WFDC8: variants seen among roughly 807,000 people sequenced by gnomAD.
WFDC8 encodes the protein WAP four-disulfide core domain protein 8.
A neutral mutation model predicts 27.0 loss-of-function variants in WFDC8; 24 were observed. The ratio of observed to expected loss-of-function variants is 0.89; its 90% confidence interval spans 0.64 to 1.25. WFDC8 has a LOEUF of 1.25. Ranked by LOEUF, WFDC8 falls within the 50% of genes most tolerant of loss-of-function variation. The pLI is 0.00. For synonymous variants in WFDC8, 106 were observed against 99.7 expected, an observed-to-expected ratio of 1.06 and a Z score of -0.38; for missense variants, 287 against 295.9, an observed-to-expected ratio of 0.97 and a Z score of 0.22.
At position 45,555,942 on chromosome 20, in the gene WFDC8, C is replaced by T. The variant is rs1277835584; in HGVS notation, c.278-74G>A. On this transcript the variant is annotated intron_variant, in intron 3 of 5. Transcript: ENST00000289953. ...GAACAGGGTCAGTTCCCTAGCATTT[C>T]TCATAACTCCTGGTGTTATCACCCA... 152 of 1,458,906 alleles carry T rather than the reference C, an allele frequency of 1.0e-4. 1 individual carries two copies. Among genetic ancestry groups the T allele is most frequent in the Non-Finnish European group, 1.4e-4 (145 of 1,059,074 alleles). The allele number at this position is 1,458,906 out of a possible 1,614,324, so 90.4% of individuals were successfully genotyped here.
At chr20:45,560,474 C>T (rs556020525) in intron 2 of WFDC8, among the ~76,000 whole-genome samples, 2 of 152,314 alleles carry the variant, frequency 1.3e-5, no homozygotes, top group Non-Finnish European at 2.9e-5. Flanking sequence ...TCATACAGCG[C>T]TTAATGTGTC....
chr20:45,579,156 C>G, intron 1 of WFDC8, 66 bp downstream of exon 1: 1 of 1,520,870 alleles, frequency 6.6e-7, no homozygotes, highest in South Asian at 1.1e-5. Flanking sequence ...TCTATGTATC[C>G]TCCTCATCTC....
At chr20:45,569,380 T>C (rs1980789809) in intron 1 of WFDC8, among the ~76,000 whole-genome samples, 1 of 152,228 alleles carries the variant, frequency 6.6e-6, no homozygotes, top group Non-Finnish European at 1.5e-5. Flanking sequence ...TATTTATCAA[T>C]AAAATTGTGT....
chr20:45,576,492 T>C (rs1981051045), intron 1 of WFDC8, among the ~76,000 whole-genome samples: 1 of 151,286 alleles, frequency 6.6e-6, no homozygotes, highest in South Asian at 2.1e-4. Flanking sequence ...CTCCCTCTCC[T>C]GGGTTCAAAT....
At chr20:45,562,274 A>T in intron 1 of WFDC8, 55 bp from the exon 2 acceptor site, 1 of 1,461,842 alleles carries the variant, frequency 6.8e-7, no homozygotes, top group Non-Finnish European at 9.6e-7. Context: ...AGAGACACAA[A>T]GTGTGTGCAG....
At chr20:45,568,327 A>G (rs1056645771) in intron 1 of WFDC8, 9 of 244,582 alleles carry the variant, frequency 3.7e-5, no homozygotes, top group Admixed American at 3.7e-4. Context: ...ATTGTGCTTC[A>G]TAAGTGTCTC....
At chr20:45,564,409 C>T (rs999151813) in intron 1 of WFDC8, among the ~76,000 whole-genome samples, 4 of 152,056 alleles carry the variant, frequency 2.6e-5, no homozygotes, top group African/African-American at 7.2e-5. Flanking sequence ...CGGTGGCTCA[C>T]GCCTGTAATC....
chr20:45,565,014 G>GAGAA lies in WFDC8; in HGVS notation c.27-2799_27-2796dup, dbSNP rs371516760. Among the ~76,000 whole-genome samples, 646 of 88,060 alleles carry GAGAA rather than the reference G, an allele frequency of 7.3e-3. 11 individuals carry two copies. The highest frequency in any genetic ancestry group is 0.05 in the East Asian group (246 of 4,968). 57.8% of individuals were successfully genotyped at this position (88,060 alleles called of 152,430 possible). A position where few individuals can be genotyped will look rare whatever the true frequency, so the allele number is the denominator to read the frequency against. ...AAAGGAAAGGAAAGGAAGAAAGAAAGAGAAAGAAAGGAAGGAAGGAAGAAG... is the reference window on the plus strand; with the variant it reads ...AAAGGAAAGGAAAGGAAGAAAGAAAGAGAAAGAAAGAAAGGAAGGAAGGAAGAAG... On this transcript the variant is annotated intron_variant, in intron 1 of 5. Transcript: ENST00000289953.
chr20:45,568,204 CA>C, intron 1 of WFDC8: 9 of 264,364 alleles, frequency 3.4e-5, no homozygotes, highest in Admixed American at 1.2e-4. Flanking sequence ...AATGGGAAGC[CA>C]AAAACATCAG....
intron 3 of WFDC8, among the ~76,000 whole-genome samples, chr20:45,556,878 A>G (rs914978374): frequency 6.6e-6 from 1 of 152,218 alleles, no homozygotes; most frequent in African/African-American, 2.4e-5. Context: ...TGGACCAAGA[A>G]GAAGCTCAAA....
chr20:45,567,063 T>C (rs1008677073), intron 1 of WFDC8, among the ~76,000 whole-genome samples: 8 of 152,228 alleles, frequency 5.3e-5, no homozygotes, highest in African/African-American at 1.7e-4. Flanking sequence ...ATTGTTTTTT[T>C]CTAAATCTTT....
chr20:45,573,714 T>C (rs776091646), intron 1 of WFDC8, among the ~76,000 whole-genome samples: 7 of 152,310 alleles, frequency 4.6e-5, no homozygotes, highest in Non-Finnish European at 8.8e-5. Flanking sequence ...TGGTGTGCAA[T>C]AAGGGTTCAA....
intron 5 of WFDC8, 122 bp from the exon 6 acceptor site, chr20:45,552,287 CT>C: frequency 8.3e-7 from 1 of 1,201,816 alleles, no homozygotes; most frequent in Non-Finnish European, 1.2e-6. Flanking sequence ...ACCTTTCCCC[CT>C]ACAGTAACAA....
At chr20:45,557,385 A>G (rs1173761870) in intron 3 of WFDC8, among the ~76,000 whole-genome samples, 1 of 152,118 alleles carries the variant, frequency 6.6e-6, no homozygotes, top group Non-Finnish European at 1.5e-5. Flanking sequence ...GTTGATTGTA[A>G]TGGTTCCTAT....
chr20:45,552,821 G>A (rs1475546429), intron 5 of WFDC8, among the ~76,000 whole-genome samples: 2 of 152,182 alleles, frequency 1.3e-5, no homozygotes, highest in Non-Finnish European at 2.9e-5. Flanking sequence ...TACACCTCAT[G>A]GTTATGAATT....
At position 45,555,859 on chromosome 20, in the gene WFDC8, A is replaced by G. The variant is rs2272955; in HGVS notation, c.287T>C (p.Met96Thr). The change falls in exon 4 of 6, where the codon ATG becomes ACG. Residue 96 changes from methionine to threonine, a missense_variant. Transcript: ENST00000289953. ...ACAGTTTCCATGCCTCACAGGTAGCATGCAGGGTTCTGAGGTCAGGAAGCA... is the reference window on the plus strand; with the variant it reads ...ACAGTTTCCATGCCTCACAGGTAGCGTGCAGGGTTCTGAGGTCAGGAAGCA... Reference protein sequence around the residue: ...KCMDPFQEPCMLPVRHGNCNH... With the variant: ...KCMDPFQEPCTLPVRHGNCNH... 98,531 of 1,613,706 alleles carry G rather than the reference A, an allele frequency of 0.061. 3,979 individuals carry two copies. The highest frequency in any genetic ancestry group is 0.18 in the East Asian group (7,901 of 44,872).
chr20:45,571,065 A>G (rs541560142), intron 1 of WFDC8, among the ~76,000 whole-genome samples: 107 of 152,274 alleles, frequency 7.0e-4, no homozygotes, highest in Non-Finnish European at 8.1e-4. Context: ...CCAGAGCCCC[A>G]TCATTGAACC....
chr20:45,567,950 T>C (rs536738244), intron 1 of WFDC8: 6 of 216,786 alleles, frequency 2.8e-5, no homozygotes, highest in East Asian at 2.2e-4. Context: ...TTCAGCCTCC[T>C]GAGTAGCTGG....
intron 1 of WFDC8, chr20:45,568,045 C>A: frequency 3.2e-6 from 1 of 311,826 alleles, no homozygotes; most frequent in South Asian, 4.2e-5. Context: ...CTCTAGTTCA[C>A]ATCTTGTAGA....
Sources: gnomAD v4.1 joint callset for allele counts (sites outside exome capture counted in the v4.1 genomes callset) on GRCh38, gnomAD v4.1.1 for gene constraint, MANE v1.5 for transcripts, NCBI Gene and HGNC (gene_info 2026-07-23, HGNC 2026-07-21) for gene names.